Variants in ZDHHC13 observed in about 807,000 individuals in gnomAD.
ZDHHC13 encodes zDHHC palmitoyltransferase 13, also known as palmitoyltransferase ZDHHC13.
ZDHHC13 carries 85 observed loss-of-function variants against 86.0 expected under a neutral mutation model. That is an observed-to-expected ratio of 0.99 (90% CI 0.83 to 1.18). The LOEUF (loss-of-function observed/expected upper bound fraction) is 1.18, where lower values mean the gene tolerates loss of function less well. ZDHHC13 is among the 50% of genes most tolerant of loss of function. The pLI is 0.00. For missense variants in ZDHHC13, 711 were observed against 730.2 expected (o/e 0.97, Z 0.30); for synonymous variants, 263 against 246.4 (o/e 1.07, Z -0.63).
At chr11:19,134,937 CAGG>C (rs1046453148) in intron 1 of ZDHHC13, among the ~76,000 whole-genome samples, 3 of 152,138 alleles carry the variant, frequency 2.0e-5, no homozygotes, top group African/African-American at 7.2e-5. Flanking sequence ...GAGGCTGAGG[CAGG>C]AGGATTGCCT....
intron 10 of ZDHHC13, among the ~76,000 whole-genome samples, chr11:19,162,838 T>A (rs992632888): frequency 5.3e-5 from 8 of 152,184 alleles, no homozygotes; most frequent in African/African-American, 1.9e-4. Context: ...TCACAAAGGA[T>A]CTTGCCCTAT....
intron 1 of ZDHHC13, among the ~76,000 whole-genome samples, chr11:19,131,184 A>G (rs998602329): frequency 6.6e-6 from 1 of 152,060 alleles, no homozygotes; most frequent in Non-Finnish European, 1.5e-5. Context: ...ATGCCCGGCT[A>G]ATTTTTTGTA....
chr11:19,171,311 G>T (rs1850214935), intron 15 of ZDHHC13, among the ~76,000 whole-genome samples: 1 of 152,106 alleles, frequency 6.6e-6, no homozygotes, highest in South Asian at 2.1e-4. Context: ...ATGTGGAATG[G>T]GCAGCAGGTG....
chr11:19,152,884 A>G (rs541816918), intron 8 of ZDHHC13, among the ~76,000 whole-genome samples, 200 bp downstream of exon 8: 1 of 152,312 alleles, frequency 6.6e-6, no homozygotes, highest in South Asian at 2.1e-4. Context: ...GTCCTCAACT[A>G]GATGCTCTAA....
Position 19,170,531 on chromosome 11 carries a change from C to T in ZDHHC13, c.1595C>T (p.Ser532Leu), listed in dbSNP as rs1565044047. The T allele has an allele frequency of 1.3e-6, 2 of 1,530,338 alleles. No individual in the cohort carries two copies. The highest frequency in any genetic ancestry group is 1.8e-6 in the Non-Finnish European group (2 of 1,141,814). The allele number at this position is 1,530,338 out of a possible 1,614,324, so 94.8% of individuals were successfully genotyped here. Residue 532 changes from serine (S) to leucine (L), a missense_variant, in exon 15 of 17, where the codon TCA (serine) becomes TTA (leucine). Coordinates refer to ENST00000446113, the MANE Select transcript of ZDHHC13 (RefSeq NM_019028.3). ...YILMLATFHF[S>L]WSTFLLLNQL... Reference sequence around the variant, plus strand: ...TTGATGCTAGCAACTTTCCATTTCTCATGGTCAACATTTTTATTATTAAAT... The same window carrying T: ...TTGATGCTAGCAACTTTCCATTTCTTATGGTCAACATTTTTATTATTAAAT...
chr11:19,171,072 C>A lies in ZDHHC13; in HGVS notation c.1632+504C>A, dbSNP rs75747398. 2.0e-4 allele frequency among the ~76,000 whole-genome samples: 30 copies of A among 152,282 alleles called. No individual in the cohort carries two copies. In the East Asian group the frequency reaches 4.8e-3, roughly 24 times the overall value. ...TCAGTTTTTCCAGCGCTGTTTGTTA[C>A]CCTTATTACTATGCAGTGTTTAAAT... is the stretch of plus-strand genomic sequence containing the variant. On this transcript the variant is annotated intron_variant, in intron 15 of 16. Transcript: ENST00000446113.
chr11:19,117,591 T>C lies in ZDHHC13; in HGVS notation c.27+315T>C. 2.9e-6 allele frequency: 1 copy of C among 344,486 alleles called. No homozygotes were observed. The highest frequency in any genetic ancestry group is 4.4e-5 in the East Asian group (1 of 22,666). 21.3% of individuals were successfully genotyped at this position (344,486 alleles called of 1,614,324 possible). On this transcript the variant is annotated intron_variant, in intron 1 of 16. Coordinates refer to ENST00000446113, the MANE Select transcript of ZDHHC13 (RefSeq NM_019028.3). This position sits in a 1 kb window ranked among gnomAD's most constrained non-coding sequence, Gnocchi z 4.2. Reference sequence around the variant, plus strand: ...CTCTGTGGGCCTGGGGAGGGGACGATGGCCCTTCCCGGGAGAGGTGTCAGG... The same window carrying C: ...CTCTGTGGGCCTGGGGAGGGGACGACGGCCCTTCCCGGGAGAGGTGTCAGG...
chr11:19,120,236 A>G (rs754982042), intron 1 of ZDHHC13, among the ~76,000 whole-genome samples: 7 of 152,162 alleles, frequency 4.6e-5, no homozygotes, highest in African/African-American at 7.2e-5. Context: ...ACTTGGAGAG[A>G]CTGCAGCAGG....
chr11:19,172,431 T>C (rs989834520), intron 15 of ZDHHC13, among the ~76,000 whole-genome samples: 1 of 152,196 alleles, frequency 6.6e-6, no homozygotes, highest in African/African-American at 2.4e-5. Flanking sequence ...GAGAGTGGTA[T>C]GATGAGCTGC....
intron 10 of ZDHHC13, among the ~76,000 whole-genome samples, chr11:19,159,453 C>T (rs867881640): frequency 7.2e-5 from 11 of 152,102 alleles, no homozygotes; most frequent in African/African-American, 2.4e-4. Flanking sequence ...TCCTCAGTAA[C>T]GGTAAGTGTT....
rs1281338786 is a variant in ZDHHC13 at position 19,165,144 on chromosome 11, A to T, written c.1389A>T (p.Ile463=). Residue 463 remains isoleucine (I), a splice_region_variant and synonymous_variant, in exon 13 of 17, where the codon ATA becomes ATT. Transcript: ENST00000446113. ...DQHCLWTGRC[I]GFGNHHYYIF... is the part of the protein sequence containing the mutation. ...ACTGCCTGTGGACTGGACGGTGCAT[A>T]GGTGAGAGATTTAATTTTTCAATTA... 10 of 1,610,020 alleles carry T rather than the reference A, an allele frequency of 6.2e-6. No individual in the cohort carries two copies. The East Asian group carries it at 2.2e-4, about 36-fold the overall frequency.
chr11:19,152,437 A>AC (rs1849637721), intron 7 of ZDHHC13, 117 bp downstream of exon 7: 23 of 1,447,972 alleles, frequency 1.6e-5, no homozygotes, highest in Admixed American at 2.7e-5. Context: ...GATATAAATG[A>AC]TAATAGCTGG....
At chr11:19,128,323 G>C (rs1848919906) in intron 1 of ZDHHC13, among the ~76,000 whole-genome samples, 1 of 152,162 alleles carries the variant, frequency 6.6e-6, no homozygotes. Context: ...TGCTGAAGTT[G>C]TTTATCTGCT....
chr11:19,175,130 T>C (rs575792679), intron 16 of ZDHHC13, among the ~76,000 whole-genome samples: 1 of 152,158 alleles, frequency 6.6e-6, no homozygotes, highest in South Asian at 2.1e-4. Context: ...GGCTCATGCC[T>C]GTAATCCCAG....
chr11:19,170,760 G>T (rs1447449187), intron 15 of ZDHHC13, among the ~76,000 whole-genome samples, 192 bp downstream of exon 15: 3 of 152,116 alleles, frequency 2.0e-5, no homozygotes, highest in African/African-American at 7.2e-5. Context: ...AATAACGCCT[G>T]TCTACTACAT....
chr11:19,165,067 A>C lies in ZDHHC13; in HGVS notation c.1312A>C (p.Arg438=). 6.2e-7 allele frequency: 1 copy of C among 1,612,636 alleles called. No individual in the cohort carries two copies. The highest frequency in any genetic ancestry group is 8.5e-7 in the Non-Finnish European group (1 of 1,179,302). ...GCCCACTTAGATAAGGAAGCCATTAAGGTCACTCCACTGCCATGTATGCAA... is the reference window on the plus strand; with the variant it reads ...GCCCACTTAGATAAGGAAGCCATTACGGTCACTCCACTGCCATGTATGCAA... The part of the protein sequence containing the change: ...CTSCLIRKPL[R]SLHCHVCNCC... The change falls in exon 13 of 17, where the codon AGG becomes CGG. Residue 438 remains arginine (R), a synonymous_variant. Transcript: ENST00000446113.
chr11:19,163,224 G>A (rs1483661057), intron 10 of ZDHHC13, 79 bp from the exon 11 acceptor site: 15 of 1,437,532 alleles, frequency 1.0e-5, no homozygotes, highest in Non-Finnish European at 1.4e-5. Flanking sequence ...ATTCTTAGGT[G>A]CCAATGATGA....
At position 19,149,313 on chromosome 11, in the gene ZDHHC13, T is replaced by TC. The variant is rs1849551107; in HGVS notation, c.502dup (p.Leu168ProfsTer39). On this transcript the variant is annotated frameshift_variant, in exon 5 of 17. Coordinates refer to ENST00000446113, the MANE Select transcript of ZDHHC13 (RefSeq NM_019028.3). LOFTEE classifies it high-confidence loss of function. ...TTCAACACATGCCTATTATAGCATA[T>TC]CTCATCTCAAAGGGACAGGTATGTT... 1.2e-6 allele frequency: 2 copies of TC among 1,600,376 alleles called. No homozygotes were observed. Among genetic ancestry groups the TC allele is most frequent in the Middle Eastern group, 1.7e-4 (1 of 6,000 alleles).
rs757687333 is a variant in ZDHHC13, at chr11:19,117,261, G to A, written c.12G>A (p.Pro4=). Residue 4 remains proline, a synonymous_variant, in exon 1 of 17, where the codon CCG becomes CCA. Coordinates refer to ENST00000446113, the MANE Select transcript of ZDHHC13 (RefSeq NM_019028.3). This position sits in a 1 kb window ranked among gnomAD's most constrained non-coding sequence, Gnocchi z 4.2. The stretch of plus-strand genomic sequence containing the variant: ...GGGCTCCTGGGGAGATGGAGGGGCC[G>A]GGGCTGGGCTCGCAGGTGAGTGCGG... MEG[P]GLGSQCRNHS... 60 of 1,501,134 alleles carry A rather than the reference G, an allele frequency of 4.0e-5. No homozygotes were observed. The highest frequency in any genetic ancestry group is 5.2e-5 in the Non-Finnish European group (58 of 1,125,576). The allele number at this position is 1,501,134 out of a possible 1,614,324, so 93.0% of individuals were successfully genotyped here.
Sources: gnomAD v4.1 joint callset for allele counts (sites outside exome capture counted in the v4.1 genomes callset) on GRCh38, gnomAD v4.1.1 for gene constraint, Gnocchi (gnomAD v3.1) non-coding constraint, MANE v1.5 for transcripts, NCBI Gene and HGNC (gene_info 2026-07-23, HGNC 2026-07-21) for gene names.